The following SPOPL variants were observed in gnomAD, a reference collection of about 807,000 sequenced individuals.
SPOPL encodes the protein speckle type BTB/POZ protein like.
SPOPL carries 23 observed loss-of-function variants against 53.8 expected under a neutral mutation model. That is an observed-to-expected ratio of 0.43 (90% confidence interval 0.31 to 0.61). The LOEUF (loss-of-function observed/expected upper bound fraction) is 0.61. SPOPL is among the 20% of genes least tolerant of loss of function. The pLI is 0.12. For synonymous variants in SPOPL, 164 were observed against 149.7 expected (o/e 1.10, Z -0.70); for missense variants, 442 against 466.9 (o/e 0.95, Z 0.49).
chr2:138,543,814 A>C (rs1193657657), intron 1 of SPOPL, among the ~76,000 whole-genome samples: 1 of 151,958 alleles, frequency 6.6e-6, no homozygotes, highest in African/African-American at 2.4e-5. Flanking sequence ...AGGCGCTCTG[A>C]TTTTTAGAGT....
intron 1 of SPOPL, among the ~76,000 whole-genome samples, chr2:138,540,333 T>G (rs985106574): frequency 1.3e-4 from 20 of 152,142 alleles, no homozygotes; most frequent in Non-Finnish European, 2.8e-4. Context: ...AAATTACCTT[T>G]GGCAGTATGG....
intron 1 of SPOPL, among the ~76,000 whole-genome samples, chr2:138,546,038 G>A (rs185265611): frequency 6.6e-6 from 1 of 152,098 alleles, no homozygotes; most frequent in Non-Finnish European, 1.5e-5. Flanking sequence ...CAGGATGGTG[G>A]GTACATGATT....
At chr2:138,520,403 A>G (rs546820230) in intron 1 of SPOPL, among the ~76,000 whole-genome samples, 1 of 152,318 alleles carries the variant, frequency 6.6e-6, no homozygotes, top group African/African-American at 2.4e-5. Flanking sequence ...TTAAAAATAT[A>G]TACATACCTG....
In SPOPL at chr2:138,564,689, A is replaced by G. The variant is rs372385717; in HGVS notation, c.838-19A>G. On this transcript the variant is annotated intron_variant, in intron 8 of 10. Coordinates refer to ENST00000280098, the MANE Select transcript of SPOPL (RefSeq NM_001001664.3). ...TAGTTGGAGTAAATGTTTAATGGTT[A>G]TGTTTTCATTTTGGATAGTATGCAC... 6.2e-7 allele frequency: 1 copy of G among 1,613,116 alleles called. No individual in the cohort carries two copies. The highest frequency in any genetic ancestry group is 8.5e-7 in the Non-Finnish European group (1 of 1,179,570).
chr2:138,536,953 G>T (rs765088186), intron 1 of SPOPL, among the ~76,000 whole-genome samples: 1 of 152,172 alleles, frequency 6.6e-6, no homozygotes, highest in Middle Eastern at 3.2e-3. Context: ...AGTAGCCTCA[G>T]TTCTTCTTAT....
Position 138,564,703 on chromosome 2 carries a change from G to A in SPOPL, c.838-5G>A, listed in dbSNP as rs375936094. 1.9e-6 allele frequency: 3 copies of A among 1,613,552 alleles called. No homozygotes were observed. The highest frequency in any genetic ancestry group is 2.5e-6 in the Non-Finnish European group (3 of 1,179,874). On this transcript the variant is annotated splice_polypyrimidine_tract_variant and splice_region_variant and intron_variant, in intron 8 of 10. Transcript: ENST00000280098. ...GTTTAATGGTTATGTTTTCATTTTG[G>A]ATAGTATGCACTGGAACGGCTGAAG... is the stretch of plus-strand genomic sequence containing the variant.
In SPOPL at chr2:138,552,546, T is replaced by C. The variant is rs1377289249; in HGVS notation, c.353-8T>C. On this transcript the variant is annotated splice_region_variant and splice_polypyrimidine_tract_variant and intron_variant, in intron 4 of 10. Coordinates refer to ENST00000280098, the MANE Select transcript of SPOPL (RefSeq NM_001001664.3). Reference sequence around the variant, plus strand: ...ATTTTATTTAAACTCTATTCTGTTTTCCACCAGAAAGCCAAAGAGCATATC... The same window carrying C: ...ATTTTATTTAAACTCTATTCTGTTTCCCACCAGAAAGCCAAAGAGCATATC... 7 of 1,602,090 alleles carry C rather than the reference T, an allele frequency of 4.4e-6. No homozygotes were observed. In the African/African-American group the frequency reaches 9.4e-5, roughly 22 times the overall value.
chr2:138,570,303 A>G lies in SPOPL; in HGVS notation c.*1223A>G, dbSNP rs1016925137. On this transcript the variant is annotated 3_prime_UTR_variant, in exon 11 of 11. Coordinates refer to ENST00000280098, the MANE Select transcript of SPOPL (RefSeq NM_001001664.3). ...CTCCCCTCACTCCCCGTTTTTCTTC[A>G]TTGTGTTTCAGTTACTGTACTAACA... 1.3e-5 allele frequency: 2 copies of G among 152,142 alleles called. No individual in the cohort carries two copies. Among genetic ancestry groups the G allele is most frequent in the Non-Finnish European group, 2.9e-5 (2 of 68,042 alleles). The allele number at this position is 152,142 out of a possible 1,614,324, so 9.4% of individuals were successfully genotyped here. A position where few individuals can be genotyped will look rare whatever the true frequency, so the allele number is the denominator to read the frequency against.
rs1009934422 is a variant in SPOPL at position 138,573,359 on chromosome 2, G to A, written c.*4279G>A. ...GCATAGTAATTGTCTTTTCTACATA[G>A]GGGAGCTCTTGTTTTTTGGAACCAA... On this transcript the variant is annotated 3_prime_UTR_variant, in exon 11 of 11. Transcript: ENST00000280098. 13 of 152,136 alleles carry A rather than the reference G, an allele frequency of 8.5e-5. No homozygotes were observed. Among genetic ancestry groups the A allele is most frequent in the African/African-American group, 3.1e-4 (13 of 41,518 alleles). 9.4% of individuals were successfully genotyped at this position (152,136 alleles called of 1,614,324 possible).
At chr2:138,544,250 T>C (rs1430618500) in intron 1 of SPOPL, among the ~76,000 whole-genome samples, 1 of 152,184 alleles carries the variant, frequency 6.6e-6, no homozygotes, top group Non-Finnish European at 1.5e-5. Context: ...ACCACTGCTC[T>C]CTTCAAGGCT....
chr2:138,532,904 A>G (rs1289560354), intron 1 of SPOPL, among the ~76,000 whole-genome samples: 3 of 152,088 alleles, frequency 2.0e-5, no homozygotes, highest in Non-Finnish European at 4.4e-5. Flanking sequence ...TTCTCAGCAG[A>G]ATTTAGTTTA....
intron 8 of SPOPL, chr2:138,564,276 A>G (rs1291812911): frequency 1.2e-5 from 2 of 163,952 alleles, no homozygotes; most frequent in Non-Finnish European, 2.7e-5. Flanking sequence ...CATGTTATAT[A>G]ACATACACTA....
chr2:138,520,765 T>C (rs1479544033), intron 1 of SPOPL, among the ~76,000 whole-genome samples: 1 of 152,238 alleles, frequency 6.6e-6, no homozygotes, highest in Non-Finnish European at 1.5e-5. Context: ...AGTAGTCACC[T>C]AACTGCTAGT....
chr2:138,560,451 T>G (rs1462193987), intron 7 of SPOPL, among the ~76,000 whole-genome samples: 1 of 124,838 alleles, frequency 8.0e-6, no homozygotes, highest in African/African-American at 2.8e-5. Flanking sequence ...TGTTTACTTG[T>G]TTTTTTTTTT....
At chr2:138,559,446 G>A in intron 7 of SPOPL, 109 bp downstream of exon 7, 1 of 1,214,892 alleles carries the variant, frequency 8.2e-7, no homozygotes, top group Non-Finnish European at 1.1e-6. Flanking sequence ...GTGATAAGCA[G>A]GGAAAATTTT....
intron 1 of SPOPL, among the ~76,000 whole-genome samples, chr2:138,505,898 G>A (rs1684206708): frequency 6.6e-6 from 1 of 152,200 alleles, no homozygotes; most frequent in African/African-American, 2.4e-5. Context: ...GAAACCTAAA[G>A]GATGAACTGT....
At chr2:138,560,772 T>G in intron 7 of SPOPL, 33 bp from the exon 8 acceptor site, 1 of 1,565,932 alleles carries the variant, frequency 6.4e-7, no homozygotes, top group African/African-American at 1.4e-5. Context: ...CTTTTTTTTT[T>G]TTTAACATTT....
chr2:138,552,715 T>G lies in SPOPL; in HGVS notation c.480+34T>G, dbSNP rs200098965. ...ATCTTTTATTCTAAGAACCCCATGG[T>G]TTATTTAGTGATATGGCAAAAGTAT... On this transcript the variant is annotated intron_variant, in intron 5 of 10. Transcript: ENST00000280098. 5 of 1,596,454 alleles carry G rather than the reference T, an allele frequency of 3.1e-6. No homozygotes were observed. In the South Asian group the frequency reaches 5.7e-5, roughly 18 times the overall value.
chr2:138,566,294 T>G (rs1386407391), intron 10 of SPOPL, among the ~76,000 whole-genome samples: 2 of 152,176 alleles, frequency 1.3e-5, no homozygotes, highest in African/African-American at 2.4e-5. Flanking sequence ...GTATACTATA[T>G]TAGCATCAAA....
Sources: allele counts gnomAD v4.1 joint callset (sites outside exome capture counted in the v4.1 genomes callset), GRCh38; gene constraint gnomAD v4.1.1; transcripts MANE v1.5; gene names NCBI Gene and HGNC (gene_info 2026-07-23, HGNC 2026-07-21).